The following GRIN2A variants were observed in gnomAD, a reference collection of about 807,000 sequenced individuals.
GRIN2A encodes the protein glutamate ionotropic receptor NMDA type subunit 2A.
In GRIN2A, 22 loss-of-function variants were observed where a neutral mutation model predicts 113.4. That is an observed-to-expected ratio of 0.19 (90% confidence interval 0.14 to 0.28). The LOEUF (loss-of-function observed/expected upper bound fraction) is 0.28, where lower values mean the gene tolerates loss of function less well. Among genes scored for constraint, GRIN2A ranks in the 10% least tolerant of loss-of-function variants. The pLI is 1.00. For missense variants in GRIN2A, 1,502 were observed against 1,887.0 expected, an observed-to-expected ratio of 0.80 and a Z score of 3.78; for synonymous variants, 827 against 738.4, an observed-to-expected ratio of 1.12 and a Z score of -1.94.
intron 11 of GRIN2A, among the ~76,000 whole-genome samples, chr16:9,783,595 A>G (rs1476722072): frequency 6.6e-6 from 1 of 152,214 alleles, no homozygotes; most frequent in African/African-American, 2.4e-5. Flanking sequence ...TAGAAGTGCC[A>G]AACCATTTAT....
chr16:9,923,823 T>C (rs2044402053), intron 3 of GRIN2A, among the ~76,000 whole-genome samples: 3 of 150,846 alleles, frequency 2.0e-5, no homozygotes, highest in African/African-American at 7.5e-5. Context: ...AATGATTTCA[T>C]TGTTTAAAAA....
intron 11 of GRIN2A, among the ~76,000 whole-genome samples, chr16:9,771,776 G>A (rs1901288828): frequency 6.6e-6 from 1 of 152,088 alleles, no homozygotes; most frequent in African/African-American, 2.4e-5. Context: ...ATGGTTCCAG[G>A]AATTTTCAAT....
intron 2 of GRIN2A, among the ~76,000 whole-genome samples, chr16:10,086,980 G>C (rs2048097737): frequency 6.6e-6 from 1 of 152,198 alleles, no homozygotes; most frequent in African/African-American, 2.4e-5. Flanking sequence ...GAAGTTTTAA[G>C]AAAACTGGTG....
intron 2 of GRIN2A, among the ~76,000 whole-genome samples, chr16:10,030,350 G>A (rs568575890): frequency 3.9e-5 from 6 of 152,248 alleles, no homozygotes; most frequent in Admixed American, 3.3e-4. Context: ...TGTTGTGTTT[G>A]TATGAATAGC....
At chr16:10,026,744 GAAA>G (rs1162746953) in intron 2 of GRIN2A, among the ~76,000 whole-genome samples, 1 of 152,184 alleles carries the variant, frequency 6.6e-6, no homozygotes, top group Admixed American at 6.5e-5. Context: ...CACTCAGTGA[GAAA>G]CACGCCAAAC....
At chr16:10,009,683 G>C (rs1012113476) in intron 2 of GRIN2A, among the ~76,000 whole-genome samples, 1 of 152,014 alleles carries the variant, frequency 6.6e-6, no homozygotes, top group African/African-American at 2.4e-5. Flanking sequence ...TATAAGCACA[G>C]ATTGCAAAAC....
At chr16:10,060,963 C>G (rs2047542598) in intron 2 of GRIN2A, among the ~76,000 whole-genome samples, 1 of 152,188 alleles carries the variant, frequency 6.6e-6, no homozygotes, top group South Asian at 2.1e-4. Flanking sequence ...GTCGGTTCTC[C>G]TTTTCCTTTT....
chr16:9,927,844 G>A (rs1478030268), intron 3 of GRIN2A, among the ~76,000 whole-genome samples: 1 of 152,190 alleles, frequency 6.6e-6, no homozygotes, highest in South Asian at 2.1e-4. Context: ...TGATGGAAAT[G>A]AAAAGGAAAT....
intron 9 of GRIN2A, among the ~76,000 whole-genome samples, chr16:9,829,197 G>C (rs572105715): frequency 5.3e-4 from 81 of 152,340 alleles, no homozygotes; most frequent in African/African-American, 1.8e-3. Context: ...GGGAAGCCAG[G>C]CTTCCAAATT....
chr16:9,869,157 A>G (rs1054966459), intron 4 of GRIN2A, among the ~76,000 whole-genome samples: 2 of 152,210 alleles, frequency 1.3e-5, no homozygotes, highest in South Asian at 4.1e-4. Flanking sequence ...CAAGTTAGCC[A>G]GGAGCGGTGG....
chr16:10,074,197 G>A (rs1283991493), intron 2 of GRIN2A, among the ~76,000 whole-genome samples: 1 of 152,190 alleles, frequency 6.6e-6, no homozygotes, highest in African/African-American at 2.4e-5. Context: ...CACTCACCAG[G>A]ATGGCTAAAT....
intron 4 of GRIN2A, among the ~76,000 whole-genome samples, chr16:9,877,505 T>C (rs1324231741): frequency 1.3e-5 from 2 of 152,058 alleles, no homozygotes; most frequent in African/African-American, 2.4e-5. Flanking sequence ...GCACTCTAAG[T>C]TCTGAAAGGA....
intron 2 of GRIN2A, among the ~76,000 whole-genome samples, chr16:9,965,366 G>T (rs1596369258): frequency 6.6e-6 from 1 of 152,216 alleles, no homozygotes; most frequent in African/African-American, 2.4e-5. Context: ...GGCAACTGGG[G>T]AGATGGAACA....
chr16:10,136,523 G>A (rs1351529769), intron 2 of GRIN2A, among the ~76,000 whole-genome samples: 1 of 151,954 alleles, frequency 6.6e-6, no homozygotes, highest in Non-Finnish European at 1.5e-5. Context: ...TGTTAAACAA[G>A]GACTAAAGGT....
intron 2 of GRIN2A, among the ~76,000 whole-genome samples, chr16:10,022,913 G>A (rs2046752111): frequency 1.3e-5 from 2 of 152,142 alleles, no homozygotes; most frequent in South Asian, 2.1e-4. Flanking sequence ...TACTACACAT[G>A]CATAATCAGT....
intron 2 of GRIN2A, among the ~76,000 whole-genome samples, chr16:9,940,042 A>AAAG (rs1567189108): frequency 7.2e-4 from 100 of 139,770 alleles, no homozygotes; most frequent in African/African-American, 2.2e-3. Context: ...GAGAGAGAGA[A>AAAG]AGAGAGAGAG....
chr16:9,910,867 C>CT (rs2044121396), intron 3 of GRIN2A, among the ~76,000 whole-genome samples: 1 of 151,944 alleles, frequency 6.6e-6, no homozygotes, highest in African/African-American at 2.4e-5. Context: ...ATCTTCTGCC[C>CT]CTGAATCATT....
chr16:10,149,482 C>T (rs1035427553), intron 2 of GRIN2A, among the ~76,000 whole-genome samples: 3 of 152,234 alleles, frequency 2.0e-5, no homozygotes, highest in African/African-American at 7.2e-5. Context: ...TTCTACAACT[C>T]TAAAATTATC....
chr16:9,994,315 A>AGG (rs2046182042), intron 2 of GRIN2A, among the ~76,000 whole-genome samples: 1 of 152,168 alleles, frequency 6.6e-6, no homozygotes, highest in African/African-American at 2.4e-5. Context: ...TACTTCCCCC[A>AGG]TCTTCTCTGT....
Sources: allele counts gnomAD v4.1 joint callset (sites outside exome capture counted in the v4.1 genomes callset), GRCh38; gene constraint gnomAD v4.1.1; transcripts MANE v1.5; gene names NCBI Gene and HGNC (gene_info 2026-07-23, HGNC 2026-07-21).